The following KIFC1 variants were observed in gnomAD, a reference collection of about 807,000 sequenced individuals.
KIFC1 encodes kinesin family member C1, also known as kinesin-like protein KIFC1.
KIFC1 carries 37 observed loss-of-function variants against 66.6 expected under a neutral mutation model. The ratio of observed to expected loss-of-function variants is 0.56; its 90% confidence interval spans 0.43 to 0.73. The LOEUF (loss-of-function observed/expected upper bound fraction) is 0.73. KIFC1 is among the 30% of genes least tolerant of loss of function. The probability of loss-of-function intolerance (pLI) is 0.00; values close to 1 mark genes in which losing one functional copy is unlikely to be tolerated. For synonymous variants in KIFC1, 325 were observed against 343.5 expected (o/e 0.95, Z 0.60); for missense variants, 721 against 859.8 (o/e 0.84, Z 2.02).
chr6:33,393,223 G>A (rs886872827), intron 1 of KIFC1, among the ~76,000 whole-genome samples: 1 of 152,078 alleles, frequency 6.6e-6, no homozygotes, highest in Non-Finnish European at 1.5e-5. Context: ...TTGTAAGGAG[G>A]GAAGTGTGGC....
At chr6:33,409,584 T>TG in intron 10 of KIFC1, 62 bp from the exon 11 acceptor site, 1 of 1,519,142 alleles carries the variant, frequency 6.6e-7, no homozygotes, top group Non-Finnish European at 9.1e-7. Flanking sequence ...TGGGAGATCT[T>TG]GGGAAAAATG....
rs773177817 is a variant in KIFC1, at chr6:33,404,002, G to A, written c.629G>A (p.Arg210His). ...GGCCAACAGGAGCTGAAGAACTTGC[G>A]TGCTTGTGTCCTGGAGCTGGAAGAG... Reference protein sequence around the residue: ...EQGQQELKNLRACVLELEERL... With the variant: ...EQGQQELKNLHACVLELEERL... Residue 210 changes from arginine (R) to histidine (H), a missense_variant, in exon 6 of 11, where the codon CGT becomes CAT. Arg to His is a conservative substitution (Grantham distance 29). Transcript: ENST00000428849. The surrounding 1 kb of genome is among the most constrained non-coding windows in gnomAD (Gnocchi z 4.0). 9.3e-6 allele frequency: 15 copies of A among 1,614,082 alleles called. No homozygotes were observed. Among genetic ancestry groups the A allele is most frequent in the South Asian group, 2.2e-5 (2 of 91,092 alleles).
In KIFC1 at chr6:33,398,278, C is replaced by T. The variant is rs1775193918; in HGVS notation, c.151-10C>T. ...GGGTGACTATGGACCTTGTCTTTAT[C>T]TTTCCCCAGAAACGGACAAGAGGCC... On this transcript the variant is annotated splice_polypyrimidine_tract_variant and intron_variant, in intron 2 of 10. Coordinates refer to ENST00000428849, the MANE Select transcript of KIFC1 (RefSeq NM_002263.4). The T allele has an allele frequency of 1.2e-6, 2 of 1,613,808 alleles. No individual in the cohort carries two copies. The highest frequency in any genetic ancestry group is 1.7e-5 in the Admixed American group (1 of 59,974).
Position 33,403,756 on chromosome 6 carries a change from GGAAGAAACCCAGCA to G in KIFC1, c.384_397del (p.Lys129ThrfsTer12), listed in dbSNP as rs1195198130. The stretch of plus-strand genomic sequence containing the variant: ...TCAGGTGTTCCTCCCATGGCAGGAG[GGAAGAAACCCAGCA>G]AACGTCCAGCCTGGGACTTAAAGGG... On this transcript the variant is annotated frameshift_variant, in exon 6 of 11. Transcript: ENST00000428849. LOFTEE classifies it high-confidence loss of function. The surrounding 1 kb of genome is among the most constrained non-coding windows in gnomAD (Gnocchi z 4.6). 6.2e-7 allele frequency: 1 copy of G among 1,613,676 alleles called. No individual in the cohort carries two copies. The highest frequency in any genetic ancestry group is 1.3e-5 in the African/African-American group (1 of 75,034).
Position 33,391,877 on chromosome 6 carries a change from A to G in KIFC1, c.-109A>G, listed in dbSNP as rs1774798714. On this transcript the variant is annotated 5_prime_UTR_variant, in exon 1 of 11. Transcript: ENST00000428849. ...GGCTGGTAGCGGCCGGAGCCGTGCG[A>G]GTTCTCTACCCTGCTTCGCGAGCGG... is the stretch of plus-strand genomic sequence containing the variant. 30 of 1,370,280 alleles carry G rather than the reference A, an allele frequency of 2.2e-5. No homozygotes were observed. Among genetic ancestry groups the G allele is most frequent in the Non-Finnish European group, 3.1e-5 (30 of 972,962 alleles). 84.9% of individuals were successfully genotyped at this position (1,370,280 alleles called of 1,614,324 possible).
At position 33,403,753 on chromosome 6, in the gene KIFC1, G is replaced by C. The variant is rs1468739467; in HGVS notation, c.380G>C (p.Gly127Ala). 6.2e-7 allele frequency: 1 copy of C among 1,613,600 alleles called. No individual in the cohort carries two copies. The highest frequency in any genetic ancestry group is 1.1e-5 in the South Asian group (1 of 91,058). The change falls in exon 6 of 11, where the codon GGA becomes GCA. Residue 127 changes from glycine to alanine, a missense_variant. Physicochemically the swap from Gly to Ala is moderately conservative, Grantham distance 60. Transcript: ENST00000428849. This position sits in a 1 kb window ranked among gnomAD's most constrained non-coding sequence, Gnocchi z 4.6. ...SGTSGVPPMA[G>A]GKKPSKRPAW... ...GCATCAGGTGTTCCTCCCATGGCAG[G>C]AGGGAAGAAACCCAGCAAACGTCCA...
chr6:33,393,629 A>G (rs1774896936), intron 1 of KIFC1, among the ~76,000 whole-genome samples: 1 of 150,212 alleles, frequency 6.7e-6, no homozygotes, highest in East Asian at 2.0e-4. Context: ...TTTAATAGAG[A>G]CAGGGTTTTG....
At position 33,406,615 on chromosome 6, in the gene KIFC1, C is replaced by T. The variant is rs1369071071; in HGVS notation, c.1851C>T (p.Asn617=). Residue 617 remains asparagine (N), a synonymous_variant, in exon 9 of 11, where the codon AAC becomes AAT. Transcript: ENST00000428849. The surrounding 1 kb of genome is among the most constrained non-coding windows in gnomAD (Gnocchi z 4.5). ...SNKESHVPYR[N]SKLTYLLQNS... Reference sequence around the variant, plus strand: ...AGGAGTCCCACGTGCCTTACCGGAACAGCAAACTGACCTACCTGCTGCAGA... The same window carrying T: ...AGGAGTCCCACGTGCCTTACCGGAATAGCAAACTGACCTACCTGCTGCAGA... 1 of 1,614,074 alleles carries T rather than the reference C, an allele frequency of 6.2e-7. No homozygotes were observed. Among genetic ancestry groups the T allele is most frequent in the Non-Finnish European group, 8.5e-7 (1 of 1,180,018 alleles).
chr6:33,405,385 G>A lies in KIFC1; in HGVS notation c.1290G>A (p.Leu430=), dbSNP rs1371861168. 2 of 1,609,028 alleles carry A rather than the reference G, an allele frequency of 1.2e-6. No homozygotes were observed. The highest frequency in any genetic ancestry group is 1.7e-5 in the Admixed American group (1 of 59,802). ...GTGGGCCTGGGGGAGACCCCCAGTT[G>A]GAGGGGCTGATCCCTCGGGCCCTGC... ...MEGGPGGDPQ[L]EGLIPRALRH... The change falls in exon 7 of 11, where the codon TTG becomes TTA. Residue 430 remains leucine, a synonymous_variant. Transcript: ENST00000428849. The surrounding 1 kb of genome is among the most constrained non-coding windows in gnomAD (Gnocchi z 5.4).
chr6:33,407,679 G>A (rs2151095004), intron 10 of KIFC1, among the ~76,000 whole-genome samples: 2 of 152,332 alleles, frequency 1.3e-5, no homozygotes, highest in Middle Eastern at 6.8e-3. Flanking sequence ...AGACTTAGAG[G>A]TTTTTCAGAC....
rs754702849 is a variant in KIFC1 at position 33,401,139 on chromosome 6, T to C, written c.251-2175T>C. 5.3e-5 allele frequency among the ~76,000 whole-genome samples: 8 copies of C among 152,162 alleles called. No individual in the cohort carries two copies. The highest frequency in any genetic ancestry group is 1.3e-4 in the Admixed American group (2 of 15,278). On this transcript the variant is annotated intron_variant, in intron 3 of 10. Transcript: ENST00000428849. This position sits in a 1 kb window ranked among gnomAD's most constrained non-coding sequence, Gnocchi z 4.5. ...GCTTGAAAATAAAATTTTTGTTTTTTGTTTTTTGTTTTTGAGACAGAGTCT... is the reference window on the plus strand; with the variant it reads ...GCTTGAAAATAAAATTTTTGTTTTTCGTTTTTTGTTTTTGAGACAGAGTCT...
In KIFC1 at chr6:33,409,872, A is replaced by G. The variant is rs923458635; in HGVS notation, c.*182A>G. On this transcript the variant is annotated 3_prime_UTR_variant, in exon 11 of 11. Transcript: ENST00000428849. Reference sequence around the variant, plus strand: ...GAATAGTTTGGTTTTTTTTTTAAATAAAGGTTTTATTAGCATTTGCCCAAG... The same window carrying G: ...GAATAGTTTGGTTTTTTTTTTAAATGAAGGTTTTATTAGCATTTGCCCAAG... 3 of 628,158 alleles carry G rather than the reference A, an allele frequency of 4.8e-6. No individual in the cohort carries two copies. The highest frequency in any genetic ancestry group is 8.2e-6 in the Non-Finnish European group (3 of 367,492). 38.9% of individuals were successfully genotyped at this position (628,158 alleles called of 1,614,324 possible).
chr6:33,404,160 C>T lies in KIFC1; in HGVS notation c.756+31C>T. On this transcript the variant is annotated intron_variant, in intron 6 of 10. Transcript: ENST00000428849. The surrounding 1 kb of genome is among the most constrained non-coding windows in gnomAD (Gnocchi z 4.0). ...GGCCAGATTTTCACCAGATGTCAGC[C>T]CCGCTTTCCTGGCAGAGGTCATGCC... 1 of 1,577,404 alleles carries T rather than the reference C, an allele frequency of 6.3e-7. No homozygotes were observed.
At position 33,405,965 on chromosome 6, in the gene KIFC1, T is replaced by C. The variant is rs150421104; in HGVS notation, c.1537-231T>C. Among the ~76,000 whole-genome samples the C allele has an allele frequency of 1.5e-3, 225 of 152,284 alleles. 6 individuals carry two copies. The East Asian group carries it at 0.043, about 29-fold the overall frequency. ...TCTCAGGGCCTTTGCCTGGATGCTC[T>C]TTCCTGGAGATCTTGGCTATCCTGT... On this transcript the variant is annotated intron_variant, in intron 7 of 10. Transcript: ENST00000428849. The surrounding 1 kb of genome is among the most constrained non-coding windows in gnomAD (Gnocchi z 5.4).
intron 1 of KIFC1, among the ~76,000 whole-genome samples, chr6:33,397,423 G>A (rs1221950330): frequency 6.7e-6 from 1 of 148,964 alleles, no homozygotes; most frequent in Non-Finnish European, 1.5e-5. Context: ...TCAGCCTCCC[G>A]AGTAGCTGGG....
intron 10 of KIFC1, chr6:33,407,132 G>C: frequency 7.7e-7 from 1 of 1,297,672 alleles, no homozygotes; most frequent in Non-Finnish European, 1.0e-6. Flanking sequence ...AAACTGGTTG[G>C]GCGTAGTAGC....
Position 33,405,021 on chromosome 6 carries a change from G to C in KIFC1, c.926G>C (p.Gly309Ala). The C allele has an allele frequency of 6.2e-7, 1 of 1,614,150 alleles. No homozygotes were observed. The highest frequency in any genetic ancestry group is 8.5e-7 in the Non-Finnish European group (1 of 1,180,024). Residue 309 changes from glycine to alanine, a missense_variant, in exon 7 of 11, where the codon GGC (glycine) becomes GCC (alanine). Coordinates refer to ENST00000428849, the MANE Select transcript of KIFC1 (RefSeq NM_002263.4). This position sits in a 1 kb window ranked among gnomAD's most constrained non-coding sequence, Gnocchi z 5.4. ...RLHNQLQELK[G>A]NIRVFCRVRP... is the part of the protein sequence containing the mutation. The stretch of plus-strand genomic sequence containing the variant: ...CACAACCAGCTGCAGGAACTCAAGG[G>C]CAACATCCGTGTATTCTGCCGGGTC...
rs1775363905 is a variant in KIFC1, at chr6:33,401,335, CG to C, written c.251-1978del. Among the ~76,000 whole-genome samples, 1 of 151,688 alleles carries C rather than the reference CG, an allele frequency of 6.6e-6. No homozygotes were observed. The highest frequency in any genetic ancestry group is 1.5e-5 in the Non-Finnish European group (1 of 67,918). On this transcript the variant is annotated intron_variant, in intron 3 of 10. Coordinates refer to ENST00000428849, the MANE Select transcript of KIFC1 (RefSeq NM_002263.4). This position sits in a 1 kb window ranked among gnomAD's most constrained non-coding sequence, Gnocchi z 4.5. ...ATTTTTAGTAGAGATGGGGTTTCAC[CG>C]TATTAGTCAGGATGGTCTCGATCTC...
At chr6:33,397,867 C>T (rs920254467) in intron 1 of KIFC1, among the ~76,000 whole-genome samples, 162 bp from the exon 2 acceptor site, 9 of 152,154 alleles carry the variant, frequency 5.9e-5, no homozygotes, top group African/African-American at 2.2e-4. Context: ...AGGTTATGTC[C>T]TCACTTCTGT....
Sources: allele counts gnomAD v4.1 joint callset (sites outside exome capture counted in the v4.1 genomes callset), GRCh38; gene constraint gnomAD v4.1.1; non-coding constraint Gnocchi (gnomAD v3.1); transcripts MANE v1.5; gene names NCBI Gene and HGNC (gene_info 2026-07-23, HGNC 2026-07-21).